The following SPNS1 variants were observed in gnomAD, a reference collection of about 807,000 sequenced individuals.
The protein encoded by SPNS1 is protein spinster homolog 1.
SPNS1 carries 22 observed loss-of-function variants against 50.3 expected under a neutral mutation model. The observed-to-expected ratio is 0.44, with a 90% CI of 0.31 to 0.62. The LOEUF (loss-of-function observed/expected upper bound fraction) is 0.62, where lower values mean the gene tolerates loss of function less well. Among genes scored for constraint, SPNS1 ranks in the 20% least tolerant of loss-of-function variants. The pLI is 0.07. For synonymous variants in SPNS1, 295 were observed against 317.4 expected, an observed-to-expected ratio of 0.93 and a Z score of 0.75; for missense variants, 576 against 728.6, an observed-to-expected ratio of 0.79 and a Z score of 2.41.
intron 3 of SPNS1, chr16:28,978,860 C>A: frequency 5.7e-6 from 2 of 349,188 alleles, no homozygotes; most frequent in African/African-American, 2.1e-5. Flanking sequence ...CCCTACCAGG[C>A]AAGCAGGGGT....
At chr16:28,980,486 T>G (rs1965506852) in intron 5 of SPNS1, 1 of 152,068 alleles carries the variant, frequency 6.6e-6, no homozygotes, top group Non-Finnish European at 1.5e-5. Context: ...GGAGACTGGC[T>G]GCCCTCACCT....
intron 3 of SPNS1, chr16:28,978,358 C>T: frequency 3.8e-6 from 1 of 265,694 alleles, no homozygotes; most frequent in South Asian, 7.0e-5. Flanking sequence ...CCTGAAGGGC[C>T]CCTAGAGCGT....
rs762119925 is a variant in SPNS1 at position 28,979,258 on chromosome 16, A to G, written c.548A>G (p.Gln183Arg). Reference sequence around the variant, plus strand: ...ATTGCCGACCTCTTTGTGGCCGACCAGCGGAGCCGGATGCTCAGCATCTTC... The same window carrying G: ...ATTGCCGACCTCTTTGTGGCCGACCGGCGGAGCCGGATGCTCAGCATCTTC... ...TLIADLFVAD[Q>R]RSRMLSIFYF... is the part of the protein sequence containing the mutation. The change falls in exon 4 of 12, where the codon CAG (glutamine) becomes CGG (arginine). Residue 183 changes from glutamine (Q) to arginine (R), a missense_variant. Gln to Arg is a conservative substitution (Grantham distance 43). Around this residue, in one of 3 missense-constraint regions of SPNS1, gnomAD observed 428 missense variants for 520.1 expected, o/e 0.82. Coordinates refer to ENST00000311008, the MANE Select transcript of SPNS1 (RefSeq NM_032038.3). 3 of 1,614,172 alleles carry G rather than the reference A, an allele frequency of 1.9e-6. No homozygotes were observed. Among genetic ancestry groups the G allele is most frequent in the Middle Eastern group, 1.6e-4 (1 of 6,062 alleles).
chr16:28,976,311 G>A (rs572873914), intron 2 of SPNS1, among the ~76,000 whole-genome samples: 2 of 152,224 alleles, frequency 1.3e-5, no homozygotes, highest in South Asian at 4.1e-4. Flanking sequence ...AGGGTGTCTG[G>A]AATGGGGAGA....
At chr16:28,978,067 G>C in intron 3 of SPNS1, 23 bp downstream of exon 3, 1 of 1,608,408 alleles carries the variant, frequency 6.2e-7, no homozygotes, top group Non-Finnish European at 8.5e-7. Flanking sequence ...GCTGGCTCCT[G>C]TTTCTGCCCA....
In SPNS1 at chr16:28,983,961, A is replaced by G. The variant is rs761360134; in HGVS notation, c.1492+4A>G. 1 of 1,561,036 alleles carries G rather than the reference A, an allele frequency of 6.4e-7. No homozygotes were observed. Among genetic ancestry groups the G allele is most frequent in the Admixed American group, 1.8e-5 (1 of 54,140 alleles). ...CGGGCACAGCTGCACGTGCAGGGTC[A>G]GTTAGGAGCTGTGCCCGGCCCAGCT... On this transcript the variant is annotated splice_donor_region_variant and intron_variant, in intron 11 of 11. Coordinates refer to ENST00000311008, the MANE Select transcript of SPNS1 (RefSeq NM_032038.3). The surrounding 1 kb of genome is among the most constrained non-coding windows in gnomAD (Gnocchi z 5.4).
chr16:28,980,153 C>T (rs1429655920), intron 5 of SPNS1: 1 of 151,806 alleles, frequency 6.6e-6, no homozygotes, highest in African/African-American at 2.4e-5. Context: ...TGGTGAAACC[C>T]TGTCTCTACT....
intron 2 of SPNS1, among the ~76,000 whole-genome samples, chr16:28,976,994 G>T (rs1202646182): frequency 6.6e-6 from 1 of 152,134 alleles, no homozygotes. Context: ...AAACTAAAGT[G>T]GGACAGTTTT....
chr16:28,979,286 C>T lies in SPNS1; in HGVS notation c.576C>T (p.Tyr192=). Residue 192 remains tyrosine, a synonymous_variant, in exon 4 of 12, where the codon TAC becomes TAT. Transcript: ENST00000311008. ...DQRSRMLSIF[Y]FAIPVGSGLG... is the part of the protein sequence containing the mutation. The stretch of plus-strand genomic sequence containing the variant: ...GGAGCCGGATGCTCAGCATCTTCTA[C>T]TTTGCCATTCCGGTGGGCAGGTGAG... 2.5e-6 allele frequency: 4 copies of T among 1,614,216 alleles called. No homozygotes were observed. The highest frequency in any genetic ancestry group is 1.1e-5 in the South Asian group (1 of 91,088).
intron 5 of SPNS1, chr16:28,980,476 G>A (rs1203582914): frequency 6.6e-6 from 1 of 152,064 alleles, no homozygotes; most frequent in African/African-American, 2.4e-5. Flanking sequence ...TGAGCCTGCA[G>A]GAGACTGGCT....
intron 7 of SPNS1, 33 bp from the exon 8 acceptor site, chr16:28,982,323 G>GACAAAC (rs1965581181): frequency 6.7e-7 from 1 of 1,502,466 alleles, no homozygotes; most frequent in Admixed American, 2.1e-5. Context: ...CAGGCACAGG[G>GACAAAC]ACAAACCCCC....
At chr16:28,977,349 G>GT (rs1965380263) in intron 2 of SPNS1, among the ~76,000 whole-genome samples, 1 of 150,942 alleles carries the variant, frequency 6.6e-6, no homozygotes, top group African/African-American at 2.4e-5. Flanking sequence ...AAAAGTAAAT[G>GT]TGAGAGTCAG....
In SPNS1 at chr16:28,977,824, T is replaced by G. The variant is rs181639344; in HGVS notation, c.308-84T>G. The G allele has an allele frequency of 3.8e-5, 58 of 1,545,906 alleles. No individual in the cohort carries two copies. The East Asian group carries it at 1.1e-3, about 28-fold the overall frequency. On this transcript the variant is annotated intron_variant, in intron 2 of 11. Coordinates refer to ENST00000311008, the MANE Select transcript of SPNS1 (RefSeq NM_032038.3). ...ATTCTGTAAGGAGAAGGCAGGCATC[T>G]CCTGTGCTTTAGTGGTTCCAGCTGG...
chr16:28,983,314 A>T lies in SPNS1; in HGVS notation c.1320+24A>T, dbSNP rs1965622570. ...TGGTGAGCATTATTTCTTGGCTGGC[A>T]TGGGGTGGCTGGTGTCCTGAGCCTG... On this transcript the variant is annotated intron_variant, in intron 10 of 11. Coordinates refer to ENST00000311008, the MANE Select transcript of SPNS1 (RefSeq NM_032038.3). This position sits in a 1 kb window ranked among gnomAD's most constrained non-coding sequence, Gnocchi z 5.4. 2 of 1,593,672 alleles carry T rather than the reference A, an allele frequency of 1.3e-6. No individual in the cohort carries two copies. Among genetic ancestry groups the T allele is most frequent in the African/African-American group, 2.7e-5 (2 of 74,544 alleles).
At chr16:28,978,896 T>C in intron 3 of SPNS1, 1 of 524,814 alleles carries the variant, frequency 1.9e-6, no homozygotes, top group East Asian at 3.3e-5. Flanking sequence ...TTTTATTGTC[T>C]AGTCCTTGCA....
chr16:28,979,426 C>T lies in SPNS1; in HGVS notation c.618C>T (p.Gly206=). 6.2e-7 allele frequency: 1 copy of T among 1,614,144 alleles called. No homozygotes were observed. Among genetic ancestry groups the T allele is most frequent in the Non-Finnish European group, 8.5e-7 (1 of 1,180,036 alleles). ...PVGSGLGYIA[G]SKVKDMAGDW... Reference sequence around the variant, plus strand: ...ACAGTGGTCTGGGCTACATTGCAGGCTCCAAAGTGAAGGATATGGCTGGAG... The same window carrying T: ...ACAGTGGTCTGGGCTACATTGCAGGTTCCAAAGTGAAGGATATGGCTGGAG... The change falls in exon 5 of 12, where the codon GGC becomes GGT. Residue 206 remains glycine (G), a synonymous_variant. Coordinates refer to ENST00000311008, the MANE Select transcript of SPNS1 (RefSeq NM_032038.3).
At position 28,979,193 on chromosome 16, in the gene SPNS1, G is replaced by T; in HGVS notation, c.483G>T (p.Gly161=). ...WLLLLTRGLV[G]VGEASYSTIA... ...TCCTCCTGACCCGGGGCCTGGTGGG[G>T]GTCGGGGAGGCCAGTTATTCCACCA... The change falls in exon 4 of 12, where the codon GGG becomes GGT. Residue 161 remains glycine (G), a synonymous_variant. Transcript: ENST00000311008. 1 of 1,614,148 alleles carries T rather than the reference G, an allele frequency of 6.2e-7. No homozygotes were observed. The highest frequency in any genetic ancestry group is 1.1e-5 in the South Asian group (1 of 91,086).
Position 28,982,427 on chromosome 16 carries a change from G to A in SPNS1, c.1037G>A (p.Arg346Gln), listed in dbSNP as rs200953049. 94 of 1,613,224 alleles carry A rather than the reference G, an allele frequency of 5.8e-5. 1 individual carries two copies. In the South Asian group the frequency reaches 6.3e-4, roughly 11 times the overall value. Residue 346 changes from arginine (R) to glutamine (Q), a missense_variant, in exon 8 of 12, where the codon CGG becomes CAG. By Grantham distance (43) the Arg-to-Gln change is conservative. Around this residue, in one of 3 missense-constraint regions of SPNS1, gnomAD observed 428 missense variants for 520.1 expected, o/e 0.82. Coordinates refer to ENST00000311008, the MANE Select transcript of SPNS1 (RefSeq NM_032038.3). Reference protein sequence around the residue: ...GVGLGVEISRRLRHSNPRADP... With the variant: ...GVGLGVEISRQLRHSNPRADP... ...GGCCTGGGTGTGGAGATCAGCCGCCGGCTCCGCCACTCCAACCCCCGGGCT... is the reference window on the plus strand; with the variant it reads ...GGCCTGGGTGTGGAGATCAGCCGCCAGCTCCGCCACTCCAACCCCCGGGCT...
rs767128553 is a variant in SPNS1 at position 28,979,253 on chromosome 16, C to T, written c.543C>T (p.Ala181=). 105 of 1,614,138 alleles carry T rather than the reference C, an allele frequency of 6.5e-5. No individual in the cohort carries two copies. Among genetic ancestry groups the T allele is most frequent in the Middle Eastern group, 1.6e-4 (1 of 6,062 alleles). The change falls in exon 4 of 12, where the codon GCC becomes GCT. Residue 181 remains alanine (A), a synonymous_variant. Transcript: ENST00000311008. ...APTLIADLFV[A]DQRSRMLSIF... ...CTCTCATTGCCGACCTCTTTGTGGC[C>T]GACCAGCGGAGCCGGATGCTCAGCA...
Sources: gnomAD v4.1 joint callset for allele counts (sites outside exome capture counted in the v4.1 genomes callset) on GRCh38, gnomAD v4.1.1 for gene constraint, gnomAD v4.1.1 regional missense constraint, Gnocchi (gnomAD v3.1) non-coding constraint, MANE v1.5 for transcripts, NCBI Gene and HGNC (gene_info 2026-07-23, HGNC 2026-07-21) for gene names.